Variants in CHST9 observed in about 807,000 individuals in gnomAD.
CHST9 encodes GalNAc-4-sulfotransferase 2.
In CHST9, 41 loss-of-function variants were observed where a neutral mutation model predicts 44.4. The observed-to-expected ratio is 0.92, with a 90% CI of 0.72 to 1.20. CHST9 has a LOEUF of 1.20. CHST9 is among the 50% of genes most tolerant of loss of function. The pLI is 0.00. For missense variants in CHST9, 504 were observed against 516.5 expected, an observed-to-expected ratio of 0.98 and a Z score of 0.23; for synonymous variants, 171 against 178.4, an observed-to-expected ratio of 0.96 and a Z score of 0.33.
intron 2 of CHST9, among the ~76,000 whole-genome samples, chr18:27,100,138 T>C (rs779536886): frequency 1.3e-5 from 2 of 152,166 alleles, no homozygotes; most frequent in Non-Finnish European, 2.9e-5. Context: ...ACAATTATTC[T>C]AAGCGAATTA....
chr18:26,916,562 T>C lies in CHST9; in HGVS notation c.1029A>G (p.Pro343=). ...TTTCCCAGTGAATGTCCATTCCTAC[T>C]GGACGGTGGGAATCCAGCAAGTAGT... ...FIHYLLDSHR[P]VGMDIHWEKV... is the part of the protein sequence containing the mutation. Residue 343 remains proline (P), a synonymous_variant, in exon 6 of 6, where the codon CCA becomes CCG. Coordinates refer to ENST00000618847, the MANE Select transcript of CHST9 (RefSeq NM_031422.6). The C allele has an allele frequency of 1.2e-6, 2 of 1,613,850 alleles. No individual in the cohort carries two copies. Among genetic ancestry groups the C allele is most frequent in the Non-Finnish European group, 1.7e-6 (2 of 1,179,726 alleles).
chr18:27,145,550 A>C (rs371399223), intron 1 of CHST9, among the ~76,000 whole-genome samples: 1 of 152,348 alleles, frequency 6.6e-6, no homozygotes, highest in East Asian at 1.9e-4. Context: ...GCTGTTTGTC[A>C]GCGCTACCTA....
At position 26,954,030 on chromosome 18, in the gene CHST9, T is replaced by C. The variant is rs527958681; in HGVS notation, c.203-9664A>G. 7.2e-5 allele frequency among the ~76,000 whole-genome samples: 11 copies of C among 152,292 alleles called. No individual in the cohort carries two copies. The South Asian group carries it at 1.5e-3, about 20-fold the overall frequency. On this transcript the variant is annotated intron_variant, in intron 4 of 5. Transcript: ENST00000618847. ...ATAGATCTGCACATGTAGAGTAATT[T>C]CATATTCCAGAACTGTGGAGTTCTG...
chr18:27,044,846 TTAAC>T (rs1037650126), intron 3 of CHST9, among the ~76,000 whole-genome samples: 68 of 152,086 alleles, frequency 4.5e-4, no homozygotes, highest in African/African-American at 1.5e-3. Flanking sequence ...CAGTATCTAC[TTAAC>T]TATTTTTTTT....
At chr18:27,107,138 T>C (rs1021134605) in intron 2 of CHST9, among the ~76,000 whole-genome samples, 1 of 152,168 alleles carries the variant, frequency 6.6e-6, no homozygotes, top group Non-Finnish European at 1.5e-5. Context: ...TGTGGAAGAA[T>C]AGTGAAGTGG....
chr18:26,923,249 GGGTCCAGGATACAAAGAAAAGACT>G (rs776538755), intron 5 of CHST9, among the ~76,000 whole-genome samples: 5 of 152,178 alleles, frequency 3.3e-5, no homozygotes, highest in Admixed American at 1.3e-4. Flanking sequence ...GCAGAAATGG[GGGTCCAGGATACAAAGAAAAGACT>G]GGCCCAGTTT....
At position 27,065,674 on chromosome 18, in the gene CHST9, G is replaced by A. The variant is rs181953867; in HGVS notation, c.122-17171C>T. 1.2e-4 allele frequency among the ~76,000 whole-genome samples: 18 copies of A among 151,506 alleles called. No homozygotes were observed. The East Asian group carries it at 2.9e-3, about 25-fold the overall frequency. On this transcript the variant is annotated intron_variant, in intron 2 of 5. Transcript: ENST00000618847. ...ATATAAAAAGAGAGGCCTCCTCTAG[G>A]TGAATATATAAATATGGTAGTCAGT...
chr18:27,052,201 C>G (rs56026802), intron 2 of CHST9, among the ~76,000 whole-genome samples: 19,275 of 151,458 alleles, frequency 0.13, 1,334 homozygotes, highest in Middle Eastern at 0.24. Flanking sequence ...TTACAGGAAT[C>G]TACTTAGATT....
chr18:26,940,191 A>G (rs2056062146), intron 5 of CHST9, among the ~76,000 whole-genome samples: 3 of 152,018 alleles, frequency 2.0e-5, no homozygotes, highest in African/African-American at 7.2e-5. Context: ...TGTGCTCTCA[A>G]TTGGTCATGA....
chr18:26,985,219 G>A (rs1276057345), intron 4 of CHST9, among the ~76,000 whole-genome samples: 1 of 152,180 alleles, frequency 6.6e-6, no homozygotes, highest in Admixed American at 6.5e-5. Flanking sequence ...ATAAGCATAT[G>A]ATTAAGCAAA....
intron 1 of CHST9, among the ~76,000 whole-genome samples, chr18:27,157,042 C>G (rs2058702925): frequency 1.3e-5 from 2 of 151,918 alleles, no homozygotes; most frequent in African/African-American, 4.8e-5. Flanking sequence ...TTATTTTTGT[C>G]ACATTATTTC....
chr18:26,978,089 GT>G (rs34357394), intron 4 of CHST9, among the ~76,000 whole-genome samples: 26,183 of 147,114 alleles, frequency 0.18, 2,377 homozygotes, highest in East Asian at 0.26. Context: ...TTTTCCTGTG[GT>G]TTTTTTTTTT....
At chr18:27,022,415 T>C (rs1328213539) in intron 4 of CHST9, among the ~76,000 whole-genome samples, 1 of 152,208 alleles carries the variant, frequency 6.6e-6, no homozygotes, top group Non-Finnish European at 1.5e-5. Context: ...CCTTGAATAA[T>C]CTTATTCATT....
intron 4 of CHST9, among the ~76,000 whole-genome samples, chr18:26,955,016 T>A (rs1337799088): frequency 6.6e-6 from 1 of 152,174 alleles, no homozygotes; most frequent in Non-Finnish European, 1.5e-5. Context: ...TGAGGGCAGC[T>A]GCTCCTGGCC....
chr18:26,938,796 C>T (rs933079554), intron 5 of CHST9, among the ~76,000 whole-genome samples: 3 of 152,166 alleles, frequency 2.0e-5, no homozygotes, highest in Non-Finnish European at 2.9e-5. Context: ...GACCATTATT[C>T]ATAATGACCA....
At chr18:27,103,831 G>T (rs2058196551) in intron 2 of CHST9, among the ~76,000 whole-genome samples, 1 of 152,082 alleles carries the variant, frequency 6.6e-6, no homozygotes, top group South Asian at 2.1e-4. Context: ...TGCTTTTCTT[G>T]CTCTCACATA....
At chr18:27,021,336 A>T (rs1220105399) in intron 4 of CHST9, among the ~76,000 whole-genome samples, 3 of 152,156 alleles carry the variant, frequency 2.0e-5, no homozygotes, top group Non-Finnish European at 4.4e-5. Context: ...ACTTGACAAC[A>T]ACAAGTCACA....
intron 2 of CHST9, among the ~76,000 whole-genome samples, chr18:27,049,470 T>A (rs1338341899): frequency 2.6e-5 from 4 of 152,058 alleles, no homozygotes; most frequent in Admixed American, 2.0e-4. Context: ...TCCTAATATA[T>A]ACGCATCTGA....
intron 2 of CHST9, among the ~76,000 whole-genome samples, chr18:27,063,386 G>A (rs369312490): frequency 1.2e-4 from 18 of 152,154 alleles, no homozygotes; most frequent in Admixed American, 7.2e-4. Flanking sequence ...AACACACCTA[G>A]CAAAGCTTAT....
Sources: allele counts gnomAD v4.1 joint callset (sites outside exome capture counted in the v4.1 genomes callset), GRCh38; gene constraint gnomAD v4.1.1; transcripts MANE v1.5; gene names NCBI Gene and HGNC (gene_info 2026-07-23, HGNC 2026-07-21).